The following PTPN4 variants were observed in gnomAD, a reference collection of about 807,000 sequenced individuals.
PTPN4 encodes protein tyrosine phosphatase non-receptor type 4, also known as tyrosine-protein phosphatase non-receptor type 4.
In PTPN4, 49 loss-of-function variants were observed where a neutral mutation model predicts 135.5. That is an observed-to-expected ratio of 0.36 (90% CI 0.29 to 0.46). The LOEUF is 0.46. Ranked by LOEUF, PTPN4 falls within the 20% of genes least tolerant of loss-of-function variation. The probability of loss-of-function intolerance (pLI) is 1.00; values close to 1 mark genes in which losing one functional copy is unlikely to be tolerated. For missense variants in PTPN4, 860 were observed against 1,101.0 expected, an observed-to-expected ratio of 0.78 and a Z score of 3.10; for synonymous variants, 333 against 369.9, an observed-to-expected ratio of 0.90 and a Z score of 1.14.
chr2:119,865,534 C>G (rs761287591), intron 3 of PTPN4, among the ~76,000 whole-genome samples: 6 of 152,032 alleles, frequency 3.9e-5, no homozygotes, highest in Non-Finnish European at 8.8e-5. Flanking sequence ...CCTGTACTCT[C>G]TACCATATGA....
At chr2:119,930,829 GTTT>G (rs533782080) in intron 13 of PTPN4, among the ~76,000 whole-genome samples, 2 of 138,470 alleles carry the variant, frequency 1.4e-5, no homozygotes, top group Admixed American at 7.2e-5. Context: ...CTTGGTAATT[GTTT>G]TTTTTTTTTT....
At chr2:119,888,313 C>A (rs1678189821) in intron 9 of PTPN4, among the ~76,000 whole-genome samples, 1 of 152,158 alleles carries the variant, frequency 6.6e-6, no homozygotes, top group African/African-American at 2.4e-5. Flanking sequence ...TTGACTTCCT[C>A]TTTCCCAATT....
chr2:119,874,540 A>G (rs965847612), intron 3 of PTPN4, among the ~76,000 whole-genome samples: 3 of 152,222 alleles, frequency 2.0e-5, no homozygotes, highest in African/African-American at 7.2e-5. Flanking sequence ...GTATGATTCC[A>G]TTCTTACGAA....
intron 19 of PTPN4, among the ~76,000 whole-genome samples, chr2:119,952,548 G>A (rs1303905271): frequency 6.6e-6 from 1 of 152,046 alleles, no homozygotes; most frequent in African/African-American, 2.4e-5. Flanking sequence ...TCCCCTAAAT[G>A]GTAATAGTTG....
At chr2:119,895,209 GTAAT>G (rs1678300994) in intron 9 of PTPN4, among the ~76,000 whole-genome samples, 1 of 152,196 alleles carries the variant, frequency 6.6e-6, no homozygotes, top group Non-Finnish European at 1.5e-5. Flanking sequence ...ATAATTGAAA[GTAAT>G]TAAGAAAATT....
In PTPN4 at chr2:119,968,243, A is replaced by C. The variant is rs1370259216; in HGVS notation, c.2694+271A>C. On this transcript the variant is annotated intron_variant, in intron 26 of 26. Coordinates refer to ENST00000263708, the MANE Select transcript of PTPN4 (RefSeq NM_002830.4). The stretch of plus-strand genomic sequence containing the variant: ...ATAGCTGCAGAGTTTAGAAGTTGCA[A>C]CAGTACCATATGGACTGCTATTTCT... Among the ~76,000 whole-genome samples the C allele has an allele frequency of 2.6e-5, 4 of 152,194 alleles. No individual in the cohort carries two copies. In the East Asian group the frequency reaches 7.7e-4, roughly 29 times the overall value.
intron 26 of PTPN4, among the ~76,000 whole-genome samples, chr2:119,974,506 G>C (rs1241863682): frequency 3.9e-5 from 6 of 152,146 alleles, no homozygotes; most frequent in African/African-American, 1.4e-4. Context: ...ACCGTGCCTA[G>C]CCTGTAGTTA....
At chr2:119,897,771 A>G (rs1678346098) in intron 9 of PTPN4, among the ~76,000 whole-genome samples, 1 of 152,236 alleles carries the variant, frequency 6.6e-6, no homozygotes, top group Non-Finnish European at 1.5e-5. Context: ...AAAGCTCATC[A>G]CAAATCTTTA....
At chr2:119,788,293 C>G (rs1401150781) in intron 1 of PTPN4, among the ~76,000 whole-genome samples, 1 of 152,016 alleles carries the variant, frequency 6.6e-6, no homozygotes, top group Admixed American at 6.6e-5. Context: ...TTAAGAGATG[C>G]TAATACCACA....
intron 1 of PTPN4, among the ~76,000 whole-genome samples, chr2:119,796,027 A>G (rs1441722802): frequency 6.6e-6 from 1 of 152,184 alleles, no homozygotes; most frequent in Non-Finnish European, 1.5e-5. Flanking sequence ...GGCCCCTGAG[A>G]TGCAGTGGGG....
chr2:119,853,985 C>T (rs544850076), intron 2 of PTPN4, among the ~76,000 whole-genome samples: 7 of 152,194 alleles, frequency 4.6e-5, no homozygotes, highest in Admixed American at 1.3e-4. Flanking sequence ...ACAGAGGGAG[C>T]GGGGCTCTGA....
intron 1 of PTPN4, among the ~76,000 whole-genome samples, chr2:119,771,020 C>T (rs1358778917): frequency 6.6e-6 from 1 of 152,116 alleles, no homozygotes; most frequent in Non-Finnish European, 1.5e-5. Context: ...GCTGGGACTA[C>T]AGGCTTTTAA....
chr2:119,892,422 A>G (rs1224783593), intron 9 of PTPN4, among the ~76,000 whole-genome samples: 1 of 152,252 alleles, frequency 6.6e-6, no homozygotes, highest in Non-Finnish European at 1.5e-5. Context: ...TAAGCAGGTC[A>G]TACATCAGAT....
chr2:119,845,866 C>G (rs1362006476), intron 2 of PTPN4, among the ~76,000 whole-genome samples: 2 of 152,192 alleles, frequency 1.3e-5, no homozygotes, highest in African/African-American at 2.4e-5. Context: ...TGCATCCCAT[C>G]AAATGTGATA....
At chr2:119,880,297 G>A (rs547023495) in intron 5 of PTPN4, among the ~76,000 whole-genome samples, 3 of 152,280 alleles carry the variant, frequency 2.0e-5, no homozygotes, top group Non-Finnish European at 4.4e-5. Context: ...TTGGTTAAAT[G>A]AGTATGTAAG....
chr2:119,968,341 T>A (rs1300768890), intron 26 of PTPN4, among the ~76,000 whole-genome samples: 1 of 152,212 alleles, frequency 6.6e-6, no homozygotes, highest in Non-Finnish European at 1.5e-5. Context: ...ATATTAAATC[T>A]TGAGTGCTTA....
At chr2:119,973,688 T>C (rs1481774854) in intron 26 of PTPN4, among the ~76,000 whole-genome samples, 1 of 133,630 alleles carries the variant, frequency 7.5e-6, no homozygotes, top group Non-Finnish European at 1.6e-5. Context: ...TTTTTGGTAA[T>C]TTACTTGATA....
At chr2:119,840,358 G>A (rs1401540397) in intron 2 of PTPN4, among the ~76,000 whole-genome samples, 2 of 152,138 alleles carry the variant, frequency 1.3e-5, no homozygotes, top group Admixed American at 6.5e-5. Context: ...GAGAACATAC[G>A]GTATTTGGTT....
At chr2:119,940,393 G>C (rs1237973148) in intron 15 of PTPN4, among the ~76,000 whole-genome samples, 1 of 152,196 alleles carries the variant, frequency 6.6e-6, no homozygotes, top group Non-Finnish European at 1.5e-5. Context: ...TTGAAGACTA[G>C]AATAACAGTA....
Sources: allele counts gnomAD v4.1 joint callset (sites outside exome capture counted in the v4.1 genomes callset), GRCh38; gene constraint gnomAD v4.1.1; transcripts MANE v1.5; gene names NCBI Gene and HGNC (gene_info 2026-07-23, HGNC 2026-07-21).